The following ADGRV1 variants were observed in gnomAD, a reference collection of about 807,000 sequenced individuals.
The protein encoded by ADGRV1 is adhesion G protein-coupled receptor V1.
ADGRV1 carries 359 observed loss-of-function variants against 596.2 expected under a neutral mutation model. The observed-to-expected ratio is 0.60, with a 90% CI of 0.55 to 0.66. The LOEUF (loss-of-function observed/expected upper bound fraction) is 0.66, where lower values mean the gene tolerates loss of function less well. Ranked by LOEUF, ADGRV1 falls within the 30% of genes least tolerant of loss-of-function variation. ADGRV1 has a pLI of 0.00. For missense variants in ADGRV1, 7,274 were observed against 7,575.6 expected (o/e 0.96, Z 1.48); for synonymous variants, 2,681 against 2,679.2 (o/e 1.00, Z -0.02).
At position 91,153,380 on chromosome 5, in the gene ADGRV1, A is replaced by C; in HGVS notation, c.18784A>C (p.Ile6262Leu). Residue 6262 changes from isoleucine (I) to leucine (L), a missense_variant, in exon 89 of 90, where the codon ATA becomes CTA. Ile to Leu is a conservative substitution (Grantham distance 5, BLOSUM62 2). Transcript: ENST00000405460. ...GGAGTCCCAGGAGTTTGATGATTTA[A>C]TATTTGCATTAAAAACTGGTATGTA... ...DEESQEFDDLIFALKTGAGLS... is the reference protein window; with the variant it reads ...DEESQEFDDLLFALKTGAGLS... The C allele has an allele frequency of 6.2e-7, 1 of 1,604,950 alleles. No homozygotes were observed. Among genetic ancestry groups the C allele is most frequent in the Non-Finnish European group, 8.5e-7 (1 of 1,175,204 alleles).
intron 4 of ADGRV1, among the ~76,000 whole-genome samples, chr5:90,619,907 C>A (rs1263505627): frequency 1.3e-5 from 2 of 151,954 alleles, no homozygotes; most frequent in Non-Finnish European, 2.9e-5. Flanking sequence ...CAGCTTCATC[C>A]ATGTCCCTAC....
At position 90,756,553 on chromosome 5, in the gene ADGRV1, C is replaced by T. The variant is rs1340360150; in HGVS notation, c.11680C>T (p.Pro3894Ser). 6.2e-7 allele frequency: 1 copy of T among 1,613,418 alleles called. No homozygotes were observed. The highest frequency in any genetic ancestry group is 1.7e-5 in the Admixed American group (1 of 60,004). The change falls in exon 56 of 90, where the codon CCC becomes TCC. Residue 3894 changes from proline to serine, a missense_variant. Coordinates refer to ENST00000405460, the MANE Select transcript of ADGRV1 (RefSeq NM_032119.4). ...TACAGGACAGCCAAGTGTGCGGAGGCCCGGAATGGAAATAGCTGAGATAAT... is the reference window on the plus strand; with the variant it reads ...TACAGGACAGCCAAGTGTGCGGAGGTCCGGAATGGAAATAGCTGAGATAAT... ...FSTGQPSVRR[P>S]GMEIAEIMIE... is the part of the protein sequence containing the mutation.
At chr5:90,638,413 A>T (rs2149413067) in intron 11 of ADGRV1, among the ~76,000 whole-genome samples, 1 of 152,186 alleles carries the variant, frequency 6.6e-6, no homozygotes, top group South Asian at 2.1e-4. Flanking sequence ...TAATTTTATG[A>T]TTATTTTCTA....
intron 1 of ADGRV1, among the ~76,000 whole-genome samples, chr5:90,611,776 T>G (rs1241678413): frequency 6.6e-6 from 1 of 152,010 alleles, no homozygotes; most frequent in African/African-American, 2.4e-5. Flanking sequence ...TGTCAATTAC[T>G]AATGCCTTGT....
intron 59 of ADGRV1, among the ~76,000 whole-genome samples, chr5:90,767,850 G>A (rs1324629319): frequency 6.6e-6 from 1 of 152,176 alleles, no homozygotes; most frequent in African/African-American, 2.4e-5. Flanking sequence ...CTTGAGGTGT[G>A]ATTACCCTAA....
Position 90,614,921 on chromosome 5 carries a change from G to A in ADGRV1, c.109G>A (p.Gly37Arg), listed in dbSNP as rs1763173237. ...TGGAGAAACAGAAATAAGATTTACT[G>A]GACAAACTGAATTTGTTGTTAATGA... ...VFGETEIRFT[G>R]QTEFVVNETS... The change falls in exon 2 of 90, where the codon GGA becomes AGA. Residue 37 changes from glycine (G) to arginine (R), a missense_variant. Transcript: ENST00000405460. The A allele has an allele frequency of 4.4e-6, 7 of 1,603,268 alleles. No individual in the cohort carries two copies. The highest frequency in any genetic ancestry group is 5.1e-6 in the Non-Finnish European group (6 of 1,173,444).
intron 83 of ADGRV1, among the ~76,000 whole-genome samples, chr5:90,872,269 A>G (rs1768761874): frequency 1.3e-5 from 2 of 152,082 alleles, no homozygotes; most frequent in Non-Finnish European, 2.9e-5. Context: ...ATCATCAGTA[A>G]TTTTGTTTAT....
chr5:90,976,780 C>T (rs943412860), intron 84 of ADGRV1, among the ~76,000 whole-genome samples: 2 of 152,144 alleles, frequency 1.3e-5, no homozygotes, highest in Non-Finnish European at 2.9e-5. Context: ...GTATAGCAGT[C>T]TGCATCAGTT....
chr5:90,728,485 T>C (rs1389036705), intron 48 of ADGRV1, among the ~76,000 whole-genome samples, 184 bp from the exon 49 acceptor site: 1 of 152,192 alleles, frequency 6.6e-6, no homozygotes, highest in African/African-American at 2.4e-5. Context: ...ATGTGCACAC[T>C]CACACAGATT....
chr5:91,000,386 A>G (rs892853557), intron 85 of ADGRV1, among the ~76,000 whole-genome samples: 1 of 152,128 alleles, frequency 6.6e-6, no homozygotes, highest in African/African-American at 2.4e-5. Context: ...GCTATGTTGT[A>G]TTTCTACTTC....
chr5:90,819,735 A>C (rs886160745), intron 75 of ADGRV1, among the ~76,000 whole-genome samples: 1 of 151,910 alleles, frequency 6.6e-6, no homozygotes, highest in East Asian at 1.9e-4. Context: ...TTTGAGTGAG[A>C]TTCTTAATCC....
intron 85 of ADGRV1, among the ~76,000 whole-genome samples, chr5:91,067,585 G>T (rs1487504929): frequency 1.3e-5 from 2 of 152,192 alleles, no homozygotes; most frequent in Non-Finnish European, 2.9e-5. Context: ...TGTGTCATCA[G>T]CTGGAGGTCA....
chr5:90,667,290 C>T (rs1771607225), intron 21 of ADGRV1, among the ~76,000 whole-genome samples: 1 of 137,408 alleles, frequency 7.3e-6, no homozygotes, highest in African/African-American at 2.8e-5. Context: ...TCCCATATTT[C>T]TTGGAGGCTT....
chr5:91,010,160 C>T (rs182849774), intron 85 of ADGRV1, among the ~76,000 whole-genome samples: 11 of 152,144 alleles, frequency 7.2e-5, no homozygotes, highest in Admixed American at 3.3e-4. Flanking sequence ...AATAGGGGAA[C>T]AAAATGAATG....
intron 87 of ADGRV1, among the ~76,000 whole-genome samples, chr5:91,138,172 T>G (rs1375625969): frequency 1.3e-5 from 2 of 151,960 alleles, no homozygotes; most frequent in East Asian, 3.9e-4. Context: ...AAATCCAACT[T>G]CAGCTCTTAT....
chr5:90,977,309 T>G (rs1410897861), intron 84 of ADGRV1, among the ~76,000 whole-genome samples: 1 of 152,178 alleles, frequency 6.6e-6, no homozygotes, highest in East Asian at 1.9e-4. Context: ...TAGACTCCCA[T>G]CTGAAATGAA....
At chr5:90,610,341 C>T (rs73179793) in intron 1 of ADGRV1, among the ~76,000 whole-genome samples, 3,226 of 151,848 alleles carry the variant, frequency 0.021, 101 homozygotes, top group African/African-American at 0.067. Context: ...TGGGAAACAG[C>T]AATAGGAATA....
At chr5:90,697,718 ACAT>A (rs1034983754) in intron 34 of ADGRV1, among the ~76,000 whole-genome samples, 2 of 152,094 alleles carry the variant, frequency 1.3e-5, no homozygotes, top group African/African-American at 4.8e-5. Context: ...TTAATATTTT[ACAT>A]CATATGTAGG....
chr5:90,823,025 C>G (rs921700291), intron 75 of ADGRV1, among the ~76,000 whole-genome samples: 1 of 152,124 alleles, frequency 6.6e-6, no homozygotes, highest in African/African-American at 2.4e-5. Flanking sequence ...TAAGGAGATT[C>G]TGGGCTGAGA....
Sources: allele counts gnomAD v4.1 joint callset (sites outside exome capture counted in the v4.1 genomes callset), GRCh38; gene constraint gnomAD v4.1.1; transcripts MANE v1.5; gene names NCBI Gene and HGNC (gene_info 2026-07-23, HGNC 2026-07-21).